The following SLC16A1 variants were observed in gnomAD, a reference collection of about 807,000 sequenced individuals.
SLC16A1 encodes solute carrier family 16 member 1, also known as monocarboxylate transporter 1.
Under a neutral mutation model 32.2 loss-of-function variants are expected in SLC16A1, and 11 were observed. That is an observed-to-expected ratio of 0.34 (90% CI 0.21 to 0.56). The LOEUF (loss-of-function observed/expected upper bound fraction) is 0.56, where lower values mean the gene tolerates loss of function less well. Among genes scored for constraint, SLC16A1 ranks in the 20% least tolerant of loss-of-function variants. The pLI, the probability that SLC16A1 is intolerant of heterozygous loss-of-function variation, is 0.87. For synonymous variants in SLC16A1, 231 were observed against 226.8 expected (o/e 1.02, Z -0.17); for missense variants, 435 against 615.0 (o/e 0.71, Z 3.10).
chr1:112,955,987 G>C (rs2101658570), intron 1 of SLC16A1, 48 bp downstream of exon 1: 1 of 152,328 alleles, frequency 6.6e-6, no homozygotes, highest in South Asian at 2.1e-4. Context: ...GGGCAGCGAG[G>C]GCACCGTGGG....
At chr1:112,922,557 C>T (rs1278639834) in intron 2 of SLC16A1, among the ~76,000 whole-genome samples, 23 of 151,884 alleles carry the variant, frequency 1.5e-4, no homozygotes, top group African/African-American at 4.6e-4. Context: ...GTGGATCACC[C>T]GAGGTCAGGA....
At chr1:112,925,916 C>T (rs1415395873) in intron 2 of SLC16A1, among the ~76,000 whole-genome samples, 1 of 146,126 alleles carries the variant, frequency 6.8e-6, no homozygotes, top group Non-Finnish European at 1.6e-5. Context: ...AGTTGCGGTA[C>T]AGTATACTAA....
chr1:112,949,587 T>C (rs1299739353), intron 1 of SLC16A1, among the ~76,000 whole-genome samples: 1 of 152,206 alleles, frequency 6.6e-6, no homozygotes, highest in Non-Finnish European at 1.5e-5. Context: ...GGAACAGAAG[T>C]AAAGAAGTTA....
Position 112,921,718 on chromosome 1 carries a change from T to C in SLC16A1, c.361+272A>G, listed in dbSNP as rs76839325. 2.4e-3 allele frequency among the ~76,000 whole-genome samples: 373 copies of C among 152,354 alleles called. 3 individuals are homozygous for C. The East Asian group carries it at 0.03, about 12-fold the overall frequency. ...TCGCACCAAGTTGCCACACACATTG[T>C]ATCTACCACTACTGGCTATTCTTAG... On this transcript the variant is annotated intron_variant, in intron 3 of 4. Transcript: ENST00000369626.
chr1:112,917,076 AT>A lies in SLC16A1; in HGVS notation c.1228+101del, dbSNP rs1648537292. The A allele has an allele frequency of 1.8e-5, 26 of 1,438,578 alleles. No homozygotes were observed. The highest frequency in any genetic ancestry group is 2.5e-5 in the Non-Finnish European group (26 of 1,035,468). 89.1% of individuals were successfully genotyped at this position (1,438,578 alleles called of 1,614,324 possible). A position where few individuals can be genotyped will look rare whatever the true frequency, so the allele number is the denominator to read the frequency against. ...AAGGGTACATAAATGAGAAAGATTT[AT>A]TCTTACCCAAATAGCTCACTAATGT... On this transcript the variant is annotated intron_variant, in intron 4 of 4. Coordinates refer to ENST00000369626, the MANE Select transcript of SLC16A1 (RefSeq NM_003051.4). The surrounding 1 kb of genome is among the most constrained non-coding windows in gnomAD (Gnocchi z 4.1).
intron 1 of SLC16A1, among the ~76,000 whole-genome samples, chr1:112,929,955 G>T (rs1163228626): frequency 1.3e-5 from 2 of 152,142 alleles, no homozygotes; most frequent in African/African-American, 4.8e-5. Context: ...GGGGGAAGAG[G>T]CTCCTGTACT....
chr1:112,933,884 G>C (rs1057156085), intron 1 of SLC16A1, among the ~76,000 whole-genome samples: 1 of 152,016 alleles, frequency 6.6e-6, no homozygotes, highest in African/African-American at 2.4e-5. Flanking sequence ...TATCACCCAG[G>C]ATTTATATAA....
At chr1:112,924,423 T>A in intron 2 of SLC16A1, 1 of 977,244 alleles carries the variant, frequency 1.0e-6, no homozygotes, top group Non-Finnish European at 1.6e-6. Context: ...TAGAAGTGCC[T>A]CAGTAAATTC....
intron 3 of SLC16A1, among the ~76,000 whole-genome samples, chr1:112,919,986 T>C (rs914970475): frequency 2.1e-4 from 32 of 152,238 alleles, no homozygotes; most frequent in Non-Finnish European, 1.3e-4. Context: ...TTAAAGAGTG[T>C]AACTGCCTGA....
chr1:112,947,234 T>A (rs1427211141), intron 1 of SLC16A1, among the ~76,000 whole-genome samples: 1 of 152,230 alleles, frequency 6.6e-6, no homozygotes, highest in Admixed American at 6.5e-5. Flanking sequence ...AAGTGGGCCA[T>A]TTAAATTTAT....
intron 4 of SLC16A1, among the ~76,000 whole-genome samples, chr1:112,916,496 T>TAAAA (rs570173297): frequency 4.9e-5 from 3 of 61,226 alleles, no homozygotes; most frequent in Non-Finnish European, 6.4e-5. Context: ...AAGACTGTCT[T>TAAAA]AAAAAAAAAA....
chr1:112,929,831 A>C (rs1649067909), intron 1 of SLC16A1, among the ~76,000 whole-genome samples: 1 of 152,170 alleles, frequency 6.6e-6, no homozygotes, highest in African/African-American at 2.4e-5. Flanking sequence ...TGGGTGAAAG[A>C]GCAAGATCCT....
intron 1 of SLC16A1, among the ~76,000 whole-genome samples, chr1:112,931,443 C>T (rs1169953703): frequency 1.3e-5 from 2 of 151,770 alleles, no homozygotes; most frequent in Admixed American, 6.6e-5. Flanking sequence ...ATCAGGAGTT[C>T]GAGACCAACC....
intron 1 of SLC16A1, among the ~76,000 whole-genome samples, chr1:112,954,733 T>C (rs954368924): frequency 1.1e-4 from 17 of 152,312 alleles, no homozygotes; most frequent in African/African-American, 3.6e-4. Context: ...CAACAGCATC[T>C]ACCTAAGACC....
rs540964936 is a variant in SLC16A1, at chr1:112,925,594, G to A, written c.218-3461C>T. On this transcript the variant is annotated intron_variant, in intron 2 of 4. Transcript: ENST00000369626. ...GGGTTTTACCATGTTGCCCAGGTTG[G>A]TCTTGTAATCCCGGACTCAAGTGAT... Among the ~76,000 whole-genome samples, 7 of 151,634 alleles carry A rather than the reference G, an allele frequency of 4.6e-5. No homozygotes were observed. In the East Asian group the frequency reaches 1.4e-3, roughly 29 times the overall value.
intron 1 of SLC16A1, among the ~76,000 whole-genome samples, chr1:112,932,788 C>A: frequency 2.3e-5 from 2 of 86,096 alleles, no homozygotes; most frequent in East Asian, 3.6e-4. Flanking sequence ...GGGGAGACTC[C>A]GTCGCAAAAA....
chr1:112,944,287 CA>C (rs374771595), intron 1 of SLC16A1, among the ~76,000 whole-genome samples: 1 of 151,962 alleles, frequency 6.6e-6, no homozygotes, highest in African/African-American at 2.4e-5. Context: ...CCTGTCTCTA[CA>C]AAAAATACAA....
At position 112,917,254 on chromosome 1, in the gene SLC16A1, G is replaced by T; in HGVS notation, c.1152C>A (p.Pro384=). The T allele has an allele frequency of 6.2e-7, 1 of 1,614,118 alleles. No individual in the cohort carries two copies. Among genetic ancestry groups the T allele is most frequent in the Non-Finnish European group, 8.5e-7 (1 of 1,180,030 alleles). ...LFETLMDLVG[P]QRFSSAVGLV... is the part of the protein sequence containing the mutation. ...ATCCCACAGCGCTGGAGAACCTCTG[G>T]GGTCCAACAAGGTCCATCAATGTTT... Residue 384 remains proline (P), a synonymous_variant, in exon 4 of 5, where the codon CCC becomes CCA. Transcript: ENST00000369626. This position sits in a 1 kb window ranked among gnomAD's most constrained non-coding sequence, Gnocchi z 4.1.
intron 1 of SLC16A1, among the ~76,000 whole-genome samples, chr1:112,954,782 TAATA>T (rs1317028535): frequency 6.6e-6 from 1 of 152,202 alleles, no homozygotes; most frequent in Non-Finnish European, 1.5e-5. Context: ...TCTGTGTAAA[TAATA>T]AATCTTACCA....
Sources: allele counts gnomAD v4.1 joint callset (sites outside exome capture counted in the v4.1 genomes callset), GRCh38; gene constraint gnomAD v4.1.1; non-coding constraint Gnocchi (gnomAD v3.1); transcripts MANE v1.5; gene names NCBI Gene and HGNC (gene_info 2026-07-23, HGNC 2026-07-21).